VSTM4: variants seen among roughly 807,000 people sequenced by gnomAD.
The protein encoded by VSTM4 is V-set and transmembrane domain containing 4.
Under a neutral mutation model 36.4 loss-of-function variants are expected in VSTM4, and 20 were observed. The observed-to-expected ratio is 0.55, with a 90% confidence interval of 0.39 to 0.80. The LOEUF is 0.80. VSTM4 is among the 30% of genes least tolerant of loss of function. The pLI, the probability that VSTM4 is intolerant of heterozygous loss-of-function variation, is 0.00. For synonymous variants in VSTM4, 182 were observed against 173.9 expected (o/e 1.05, Z -0.37); for missense variants, 392 against 404.5 (o/e 0.97, Z 0.26).
intron 6 of VSTM4, 30 bp downstream of exon 6, chr10:49,048,448 C>A: frequency 6.5e-7 from 1 of 1,543,436 alleles, no homozygotes; most frequent in South Asian, 1.2e-5. Context: ...TGATAGTTTC[C>A]AGGTAAGAAA....
At chr10:49,076,614 G>A (rs541044161) in intron 4 of VSTM4, among the ~76,000 whole-genome samples, 19 of 152,276 alleles carry the variant, frequency 1.2e-4, no homozygotes, top group South Asian at 4.1e-4. Context: ...AGAGACTCTC[G>A]AGAAATCAGG....
At chr10:49,109,428 T>C (rs372007592) in intron 1 of VSTM4, among the ~76,000 whole-genome samples, 1 of 152,332 alleles carries the variant, frequency 6.6e-6, no homozygotes, top group East Asian at 1.9e-4. Flanking sequence ...GTCTTCCTCC[T>C]ATACAGTTTC....
At chr10:49,079,822 C>T (rs17700872) in intron 3 of VSTM4, among the ~76,000 whole-genome samples, 41,662 of 151,988 alleles carry the variant, frequency 0.27, 5,893 homozygotes, top group Admixed American at 0.35. Flanking sequence ...AAAAAGCCAT[C>T]GGCCATCCTG....
intron 7 of VSTM4, among the ~76,000 whole-genome samples, chr10:49,042,677 C>T (rs1480272903): frequency 6.6e-6 from 1 of 152,206 alleles, no homozygotes; most frequent in Non-Finnish European, 1.5e-5. Flanking sequence ...ACAGAACCTA[C>T]TCAACAGGGA....
intron 5 of VSTM4, among the ~76,000 whole-genome samples, chr10:49,062,545 G>A (rs1843895921): frequency 6.6e-6 from 1 of 152,094 alleles, no homozygotes; most frequent in African/African-American, 2.4e-5. Flanking sequence ...ATTCAACTTT[G>A]TTTTCTGTTC....
At chr10:49,083,400 G>A (rs1172722884) in intron 3 of VSTM4, among the ~76,000 whole-genome samples, 11 of 152,254 alleles carry the variant, frequency 7.2e-5, no homozygotes, top group Middle Eastern at 3.4e-3. Flanking sequence ...TAGCTCTCTC[G>A]TCCAGGAACA....
At chr10:49,115,371 C>T in intron 1 of VSTM4, 60 bp downstream of exon 1, 1 of 988,184 alleles carries the variant, frequency 1.0e-6, no homozygotes, top group African/African-American at 1.8e-5. Context: ...GCCCCGGCCT[C>T]CCCGGCGCGG....
intron 4 of VSTM4, among the ~76,000 whole-genome samples, chr10:49,074,858 T>C (rs1032151952): frequency 2.0e-5 from 3 of 152,200 alleles, no homozygotes; most frequent in Non-Finnish European, 2.9e-5. Flanking sequence ...AAACTGCCTA[T>C]GTTGCTTCCA....
At chr10:49,086,068 A>ATGTGTACCATGTGG in intron 2 of VSTM4, 45 bp from the exon 3 acceptor site, 4 of 1,202,622 alleles carry the variant, frequency 3.3e-6, no homozygotes, top group Non-Finnish European at 4.7e-6. Context: ...AAATAATGCC[A>ATGTGTACCATGTGG]CATGGTACAC....
At chr10:49,068,793 G>A (rs1284445074) in intron 4 of VSTM4, among the ~76,000 whole-genome samples, 1 of 152,162 alleles carries the variant, frequency 6.6e-6, no homozygotes, top group Admixed American at 6.5e-5. Flanking sequence ...AGACCAAGAA[G>A]AGAATCAGCC....
At chr10:49,086,847 T>G (rs2132002185) in intron 2 of VSTM4, among the ~76,000 whole-genome samples, 1 of 152,298 alleles carries the variant, frequency 6.6e-6, no homozygotes, top group East Asian at 1.9e-4. Context: ...AATAACTGAA[T>G]TTTTACTTTT....
intron 5 of VSTM4, among the ~76,000 whole-genome samples, chr10:49,053,643 C>T (rs1472348983): frequency 3.3e-5 from 5 of 152,170 alleles, no homozygotes; most frequent in East Asian, 1.9e-4. Context: ...GCAGTGTAGA[C>T]GTTTCATGGT....
At chr10:49,103,539 C>A in intron 2 of VSTM4, 1 of 1,310,836 alleles carries the variant, frequency 7.6e-7, no homozygotes, top group East Asian at 2.9e-5. Flanking sequence ...AGAAAACAAC[C>A]AACATATGGA....
At chr10:49,056,802 A>G (rs1295589823) in intron 5 of VSTM4, among the ~76,000 whole-genome samples, 2 of 152,204 alleles carry the variant, frequency 1.3e-5, no homozygotes, top group African/African-American at 4.8e-5. Flanking sequence ...GTCACCTGGT[A>G]TATTAGTTCA....
chr10:49,114,143 A>G (rs536994624), intron 1 of VSTM4, among the ~76,000 whole-genome samples: 34 of 152,206 alleles, frequency 2.2e-4, no homozygotes, highest in African/African-American at 7.5e-4. Flanking sequence ...TCATTTTTCC[A>G]GCCGAGACAG....
At chr10:49,103,856 GA>G in intron 2 of VSTM4, 1 of 1,613,754 alleles carries the variant, frequency 6.2e-7, no homozygotes. Context: ...GATGGCTGGA[GA>G]CTCCTGTTGA....
chr10:49,020,935 T>C (rs972571980), intron 7 of VSTM4, among the ~76,000 whole-genome samples: 1 of 152,152 alleles, frequency 6.6e-6, no homozygotes, highest in Non-Finnish European at 1.5e-5. Flanking sequence ...TATTAAAAAG[T>C]CTATTAATAT....
chr10:49,028,535 G>A (rs1045183969), intron 7 of VSTM4, among the ~76,000 whole-genome samples: 3 of 152,192 alleles, frequency 2.0e-5, no homozygotes, highest in Non-Finnish European at 2.9e-5. Flanking sequence ...AAGGAATTCT[G>A]AGGTTGTGCA....
chr10:49,065,471 G>T (rs947245136), intron 4 of VSTM4, among the ~76,000 whole-genome samples: 1 of 152,144 alleles, frequency 6.6e-6, no homozygotes, highest in Non-Finnish European at 1.5e-5. Flanking sequence ...AACTTGCTTT[G>T]GTCAAGAGAA....
Sources: allele counts gnomAD v4.1 joint callset (sites outside exome capture counted in the v4.1 genomes callset), GRCh38; gene constraint gnomAD v4.1.1; transcripts MANE v1.5; gene names NCBI Gene and HGNC (gene_info 2026-07-23, HGNC 2026-07-21).